Variants in DCDC1 observed in about 807,000 individuals in gnomAD.
DCDC1 encodes the protein doublecortin domain-containing protein 1.
Under a neutral mutation model 178.3 loss-of-function variants are expected in DCDC1, and 200 were observed. The ratio of observed to expected loss-of-function variants is 1.12; its 90% CI spans 1.00 to 1.26. DCDC1 has a LOEUF of 1.26. DCDC1 is among the 50% of genes most tolerant of loss of function. The probability of loss-of-function intolerance (pLI) is 0.00; values close to 1 mark genes in which losing one functional copy is unlikely to be tolerated. For synonymous variants in DCDC1, 690 were observed against 604.8 expected (o/e 1.14, Z -2.07); for missense variants, 1,983 against 1,749.2 (o/e 1.13, Z -2.38).
chr11:31,236,209 C>A (rs1029189055), intron 9 of DCDC1, among the ~76,000 whole-genome samples: 2 of 152,000 alleles, frequency 1.3e-5, no homozygotes, highest in Non-Finnish European at 2.9e-5. Context: ...TCACTTCCCC[C>A]CTCTCTGTAA....
chr11:30,878,965 G>A (rs1482752478), intron 37 of DCDC1, among the ~76,000 whole-genome samples: 2 of 152,104 alleles, frequency 1.3e-5, no homozygotes, highest in Non-Finnish European at 2.9e-5. Context: ...AGCTAACCTA[G>A]GGCTGGTCTA....
chr11:31,367,375 A>C (rs1180104544), intron 1 of DCDC1, among the ~76,000 whole-genome samples: 1 of 152,226 alleles, frequency 6.6e-6, no homozygotes, highest in African/African-American at 2.4e-5. Context: ...TATGTTTATT[A>C]ATTTAAAAAA....
chr11:30,885,273 C>A (rs1440220534), intron 36 of DCDC1, among the ~76,000 whole-genome samples: 1 of 150,506 alleles, frequency 6.6e-6, no homozygotes, highest in Non-Finnish European at 1.5e-5. Flanking sequence ...GATAAAAACA[C>A]AACTGCAAAA....
chr11:30,953,761 G>A (rs944066256), intron 20 of DCDC1, among the ~76,000 whole-genome samples: 4 of 151,982 alleles, frequency 2.6e-5, no homozygotes, highest in Admixed American at 6.5e-5. Context: ...TTGAAAGTAC[G>A]TATTCAAACA....
intron 9 of DCDC1, among the ~76,000 whole-genome samples, chr11:31,192,151 C>T (rs905373705): frequency 5.9e-5 from 9 of 152,072 alleles, no homozygotes; most frequent in African/African-American, 2.2e-4. Flanking sequence ...CTCACTCTCA[C>T]CGTTAGGACC....
chr11:30,881,406 T>A, intron 36 of DCDC1, 98 bp from the exon 37 acceptor site: 1 of 1,431,152 alleles, frequency 7.0e-7, no homozygotes, highest in Non-Finnish European at 9.5e-7. Context: ...TATCCCAGTT[T>A]GATTATTTGC....
chr11:31,010,860 A>C (rs1205948478), intron 20 of DCDC1, among the ~76,000 whole-genome samples: 1 of 152,210 alleles, frequency 6.6e-6, no homozygotes. Context: ...TTTGACCAGA[A>C]TTTCTTGGAG....
At chr11:31,027,708 C>G (rs1240317719) in intron 20 of DCDC1, among the ~76,000 whole-genome samples, 1 of 151,798 alleles carries the variant, frequency 6.6e-6, no homozygotes, top group African/African-American at 2.4e-5. Context: ...ATTTCAAAAA[C>G]CTCTTTTGAC....
chr11:31,264,070 T>C (rs927401500), intron 8 of DCDC1, among the ~76,000 whole-genome samples: 5 of 152,214 alleles, frequency 3.3e-5, no homozygotes, highest in African/African-American at 1.2e-4. Context: ...CTTTTAATAG[T>C]ATAACAGTGG....
At chr11:31,217,333 A>G (rs1177027162) in intron 9 of DCDC1, among the ~76,000 whole-genome samples, 1 of 152,214 alleles carries the variant, frequency 6.6e-6, no homozygotes, top group Non-Finnish European at 1.5e-5. Context: ...TGGACTTCAA[A>G]GTGATTTTAA....
At chr11:30,931,334 T>C (rs1946910357) in intron 22 of DCDC1, among the ~76,000 whole-genome samples, 1 of 152,126 alleles carries the variant, frequency 6.6e-6, no homozygotes, top group Non-Finnish European at 1.5e-5. Flanking sequence ...TATAAAGTTA[T>C]ACTTTTGAGA....
intron 20 of DCDC1, among the ~76,000 whole-genome samples, chr11:30,965,076 G>A (rs920732287): frequency 2.0e-5 from 3 of 152,154 alleles, no homozygotes; most frequent in African/African-American, 7.2e-5. Flanking sequence ...GGACACCAGT[G>A]GAGTGCAAAG....
At chr11:31,041,247 A>C (rs1356101945) in intron 20 of DCDC1, among the ~76,000 whole-genome samples, 2 of 152,180 alleles carry the variant, frequency 1.3e-5, no homozygotes, top group Non-Finnish European at 1.5e-5. Flanking sequence ...AATAAGATGT[A>C]ACAAATGAGT....
chr11:31,196,671 C>A (rs924813974), intron 9 of DCDC1, among the ~76,000 whole-genome samples: 1 of 152,042 alleles, frequency 6.6e-6, no homozygotes, highest in Non-Finnish European at 1.5e-5. Context: ...TCCCCGTGAA[C>A]CACCCTCTAA....
chr11:31,356,042 G>T lies in DCDC1; in HGVS notation c.-125+13655C>A, dbSNP rs190068133. 5.9e-5 allele frequency among the ~76,000 whole-genome samples: 9 copies of T among 152,182 alleles called. No homozygotes were observed. The East Asian group carries it at 1.7e-3, about 29-fold the overall frequency. On this transcript the variant is annotated intron_variant, in intron 1 of 38. Coordinates refer to ENST00000684477, the MANE Select transcript of DCDC1 (RefSeq NM_001387274.1). ...CCTTCTCTCAGCTCTCTCAAAACAA[G>T]TGAGTCACACTCTTTTCTTCCCCTC...
intron 20 of DCDC1, among the ~76,000 whole-genome samples, chr11:31,001,379 A>C (rs1951569858): frequency 6.6e-6 from 1 of 152,122 alleles, no homozygotes; most frequent in Non-Finnish European, 1.5e-5. Flanking sequence ...ATGTCCTTCC[A>C]TTTGAACAGA....
At chr11:31,326,667 G>A (rs1017564308) in intron 3 of DCDC1, among the ~76,000 whole-genome samples, 6 of 152,076 alleles carry the variant, frequency 3.9e-5, no homozygotes, top group Non-Finnish European at 8.8e-5. Flanking sequence ...ACTTATAGCT[G>A]AGAGGAATAA....
rs146781365 is a variant in DCDC1 at position 31,146,530 on chromosome 11, G to A, written c.1222-8746C>T. 5.3e-4 allele frequency among the ~76,000 whole-genome samples: 81 copies of A among 152,334 alleles called. 1 individual carries two copies. The highest frequency in any genetic ancestry group is 1.7e-3 in the African/African-American group (72 of 41,572). ...GGTGTTGGGGGAAGGGGCCTCTGAT[G>A]TTGTGCTGCCCTTTGGAATGTACAC... is the stretch of plus-strand genomic sequence containing the variant. On this transcript the variant is annotated intron_variant, in intron 9 of 38. Coordinates refer to ENST00000684477, the MANE Select transcript of DCDC1 (RefSeq NM_001387274.1).
intron 20 of DCDC1, among the ~76,000 whole-genome samples, chr11:30,963,191 T>G (rs1949219168): frequency 6.6e-6 from 1 of 152,154 alleles, no homozygotes; most frequent in South Asian, 2.1e-4. Context: ...CAAAAGAAGT[T>G]CGTGCCATTT....
Sources: gnomAD v4.1 joint callset for allele counts (sites outside exome capture counted in the v4.1 genomes callset) on GRCh38, gnomAD v4.1.1 for gene constraint, MANE v1.5 for transcripts, NCBI Gene and HGNC (gene_info 2026-07-23, HGNC 2026-07-21) for gene names.